The following MYOM1 variants were observed in gnomAD, a reference collection of about 807,000 sequenced individuals.
The protein encoded by MYOM1 is myomesin-1.
MYOM1 carries 164 observed loss-of-function variants against 205.3 expected under a neutral mutation model. The ratio of observed to expected loss-of-function variants is 0.80; its 90% CI spans 0.70 to 0.91. MYOM1 has a LOEUF of 0.91. MYOM1 is among the 40% of genes least tolerant of loss of function. The pLI is 0.00. For synonymous variants in MYOM1, 772 were observed against 789.4 expected (o/e 0.98, Z 0.37); for missense variants, 2,011 against 2,127.3 (o/e 0.95, Z 1.08).
upstream of MYOM1, among the ~76,000 whole-genome samples, chr18:3,222,139 T>G (rs2034828402): frequency 2.6e-5 from 4 of 152,258 alleles, no homozygotes; most frequent in South Asian, 8.3e-4. Context: ...GATAATCACA[T>G]ATCTGTAAGG....
rs2080241770 is a variant in MYOM1, at chr18:3,152,892, T to C, written c.1644-999A>G. Among the ~76,000 whole-genome samples the C allele has an allele frequency of 6.6e-6, 1 of 152,182 alleles. No homozygotes were observed. Among genetic ancestry groups the C allele is most frequent in the Non-Finnish European group, 1.5e-5 (1 of 68,038 alleles). On this transcript the variant is annotated intron_variant, in intron 11 of 37. Coordinates refer to ENST00000356443, the MANE Select transcript of MYOM1 (RefSeq NM_003803.4). This position sits in a 1 kb window ranked among gnomAD's most constrained non-coding sequence, Gnocchi z 4.3. ...ATATGGACAATAGACAATTTCCTTA[T>C]GTAAAGTGGAATAGACAACTTCCTC... is the stretch of plus-strand genomic sequence containing the variant.
chr18:3,198,306 A>T lies in MYOM1; in HGVS notation c.291-4348T>A, dbSNP rs551897179. 2.6e-5 allele frequency among the ~76,000 whole-genome samples: 4 copies of T among 152,262 alleles called. No individual in the cohort carries two copies. In the South Asian group the frequency reaches 8.3e-4, roughly 32 times the overall value. On this transcript the variant is annotated intron_variant, in intron 2 of 37. Coordinates refer to ENST00000356443, the MANE Select transcript of MYOM1 (RefSeq NM_003803.4). ...TGAACTGTGGGCATTGTCTCCGCTG[A>T]CTGTGCCACCAAAGCCAGCATCACC...
chr18:3,197,739 G>A lies in MYOM1; in HGVS notation c.291-3781C>T, dbSNP rs574590847. ...ATACAAAAAATTAGCTGGGCATGGT[G>A]GCAGGCGCCTGTGGTCCCAGCTACT... On this transcript the variant is annotated intron_variant, in intron 2 of 37. Coordinates refer to ENST00000356443, the MANE Select transcript of MYOM1 (RefSeq NM_003803.4). 1.4e-4 allele frequency among the ~76,000 whole-genome samples: 21 copies of A among 151,992 alleles called. No homozygotes were observed. In the South Asian group the frequency reaches 1.7e-3, roughly 12 times the overall value.
At chr18:3,075,041 C>A (rs1257133238) in intron 36 of MYOM1, among the ~76,000 whole-genome samples, 2 of 152,160 alleles carry the variant, frequency 1.3e-5, no homozygotes, top group Non-Finnish European at 2.9e-5. Context: ...GTGATCCGCC[C>A]ACCTCGGCCT....
chr18:3,184,237 A>G (rs377065093), intron 5 of MYOM1, among the ~76,000 whole-genome samples: 31 of 152,246 alleles, frequency 2.0e-4, no homozygotes, highest in African/African-American at 7.5e-4. Flanking sequence ...CATGCCCAGG[A>G]ATATATACTA....
At chr18:3,244,871 C>T in the MYOM1 span, among the ~76,000 whole-genome samples, 2 of 151,342 alleles carry the variant, frequency 1.3e-5, no homozygotes, top group Non-Finnish European at 2.9e-5. Context: ...TGCACTCCAG[C>T]CTGGGCGACA....
rs182402060 is a variant in MYOM1, at chr18:3,150,886, C to T, written c.1843+808G>A. ...CTAGAGTGCAATGGTGTAATCACAG[C>T]TCACTGCAGCCTTGACCTCCTGGGC... On this transcript the variant is annotated intron_variant, in intron 12 of 37. Coordinates refer to ENST00000356443, the MANE Select transcript of MYOM1 (RefSeq NM_003803.4). 2.0e-5 allele frequency among the ~76,000 whole-genome samples: 3 copies of T among 151,612 alleles called. No individual in the cohort carries two copies. The East Asian group carries it at 5.8e-4, about 29-fold the overall frequency.
At chr18:3,214,598 TG>T (rs1281039929) in intron 2 of MYOM1, among the ~76,000 whole-genome samples, 2 of 151,740 alleles carry the variant, frequency 1.3e-5, no homozygotes, top group Non-Finnish European at 1.5e-5. Context: ...CCCAGGCGGG[TG>T]GAACACCTGA....
chr18:3,076,970 C>G (rs571868486), intron 34 of MYOM1, among the ~76,000 whole-genome samples: 121 of 151,764 alleles, frequency 8.0e-4, no homozygotes, highest in African/African-American at 2.8e-3. Flanking sequence ...CTTTGGCCTC[C>G]CAAACTGCTG....
rs774388207 is a variant in MYOM1, at chr18:3,090,639, T to C, written c.4009+19A>G. 4.3e-6 allele frequency: 7 copies of C among 1,613,714 alleles called. No homozygotes were observed. The highest frequency in any genetic ancestry group is 5.9e-6 in the Non-Finnish European group (7 of 1,179,650). ...GGGAGTAGCAAAGCCTGCTGGTTAATGTTCCACGGAATTCTTACCATCTCC... is the reference window on the plus strand; with the variant it reads ...GGGAGTAGCAAAGCCTGCTGGTTAACGTTCCACGGAATTCTTACCATCTCC... On this transcript the variant is annotated intron_variant, in intron 27 of 37. Transcript: ENST00000356443.
chr18:3,243,398 T>C, the MYOM1 span, among the ~76,000 whole-genome samples: 1 of 152,242 alleles, frequency 6.6e-6, no homozygotes. Flanking sequence ...TATAAAATCA[T>C]TGACTTAGGT....
At chr18:3,084,255 C>T (rs11081003) in intron 31 of MYOM1, among the ~76,000 whole-genome samples, 1 of 151,904 alleles carries the variant, frequency 6.6e-6, no homozygotes, top group East Asian at 1.9e-4. Context: ...AATTCTTTGT[C>T]ACAATCGCCA....
chr18:3,078,276 A>G (rs2079042837), intron 34 of MYOM1, among the ~76,000 whole-genome samples: 1 of 152,124 alleles, frequency 6.6e-6, no homozygotes, highest in Non-Finnish European at 1.5e-5. Flanking sequence ...TCCTGACCTC[A>G]GGTGATCCAC....
chr18:3,122,775 G>GA (rs927432280), intron 19 of MYOM1, among the ~76,000 whole-genome samples: 11 of 151,966 alleles, frequency 7.2e-5, no homozygotes, highest in South Asian at 4.1e-4. Context: ...TAATAAAAGG[G>GA]AAAAAAATCA....
At chr18:3,164,227 G>T in intron 10 of MYOM1, 51 bp downstream of exon 10, 1 of 1,561,386 alleles carries the variant, frequency 6.4e-7, no homozygotes, top group Non-Finnish European at 8.7e-7. Context: ...AACTGCTTTG[G>T]CTTCAGTGTA....
intron 21 of MYOM1, among the ~76,000 whole-genome samples, chr18:3,115,477 T>G (rs1256912895): frequency 6.6e-6 from 1 of 152,186 alleles, no homozygotes; most frequent in Non-Finnish European, 1.5e-5. Flanking sequence ...TTTGAGTATC[T>G]TCCAAAGCCC....
Position 3,193,944 on chromosome 18 carries a change from C to A in MYOM1, c.305G>T (p.Ser102Ile). Residue 102 changes from serine (S) to isoleucine (I), a missense_variant, in exon 3 of 38, where the codon AGT becomes ATT. Transcript: ENST00000356443. The part of the protein sequence containing the change: ...YGSSHGLTDS[S>I]LLLDDYSSKL... ...GGATGAATAATCATCTAACAGCAGA[C>A]TGGAATCTGTAAGTCTGAAATAAAC... 1 of 1,613,354 alleles carries A rather than the reference C, an allele frequency of 6.2e-7. No individual in the cohort carries two copies. The highest frequency in any genetic ancestry group is 1.3e-5 in the African/African-American group (1 of 74,984).
At chr18:3,192,367 G>T (rs569427488) in intron 3 of MYOM1, among the ~76,000 whole-genome samples, 3 of 152,118 alleles carry the variant, frequency 2.0e-5, no homozygotes, top group Non-Finnish European at 4.4e-5. Flanking sequence ...AGATAGCAAA[G>T]ATATCAAATA....
chr18:3,134,066 C>G (rs890407620), intron 16 of MYOM1, among the ~76,000 whole-genome samples: 26 of 151,736 alleles, frequency 1.7e-4, no homozygotes, highest in African/African-American at 5.6e-4. Context: ...CGCCAGGTTG[C>G]CCAGGCTGGT....
Sources: allele counts gnomAD v4.1 joint callset (sites outside exome capture counted in the v4.1 genomes callset), GRCh38; gene constraint gnomAD v4.1.1; non-coding constraint Gnocchi (gnomAD v3.1); transcripts MANE v1.5; gene names NCBI Gene and HGNC (gene_info 2026-07-23, HGNC 2026-07-21).